GPR89B: variants seen among roughly 807,000 people sequenced by gnomAD.
The protein encoded by GPR89B is golgi pH regulator B, also known as G protein-coupled receptor 89B.
Under a neutral mutation model 52.4 loss-of-function variants are expected in GPR89B, and 25 were observed. That is an observed-to-expected ratio of 0.48 (90% CI 0.35 to 0.67). The LOEUF is 0.67. Ranked by LOEUF, GPR89B falls within the 30% of genes least tolerant of loss-of-function variation. GPR89B has a pLI of 0.01. For synonymous variants in GPR89B, 52 were observed against 151.2 expected (o/e 0.34, Z 4.81); for missense variants, 146 against 450.2 (o/e 0.32, Z 6.11).
chr1:147,966,370 G>GC (rs1343287509), intron 7 of GPR89B, among the ~76,000 whole-genome samples, 184 bp from the exon 8 acceptor site: 1 of 147,096 alleles, frequency 6.8e-6, no homozygotes, highest in East Asian at 2.0e-4. Flanking sequence ...CTTCACCCAG[G>GC]CCACATTGCT....
At chr1:147,948,776 TTTAA>T (rs1269666140) in intron 5 of GPR89B, among the ~76,000 whole-genome samples, 1 of 147,886 alleles carries the variant, frequency 6.8e-6, no homozygotes, top group Non-Finnish European at 1.5e-5. Context: ...TTTTTTTTTT[TTTAA>T]TTGATCATTC....
At chr1:147,994,586 A>G (rs1431421259), downstream of GPR89B, among the ~76,000 whole-genome samples, 1 of 152,188 alleles carries the variant, frequency 6.6e-6, no homozygotes, top group Non-Finnish European at 1.5e-5. Flanking sequence ...AGGTATGACT[A>G]GAAGTCAGGT....
At chr1:147,935,534 C>T (rs1443748665) in intron 1 of GPR89B, among the ~76,000 whole-genome samples, 22 of 152,206 alleles carry the variant, frequency 1.4e-4, no homozygotes, top group Admixed American at 2.0e-4. Context: ...CAGTTTGAAA[C>T]AAAACTGACG....
chr1:147,979,741 G>T (rs1341555347), intron 10 of GPR89B, among the ~76,000 whole-genome samples: 1 of 151,808 alleles, frequency 6.6e-6, no homozygotes, highest in African/African-American at 2.4e-5. Flanking sequence ...CTTGGTCATG[G>T]TGAATTATCA....
chr1:147,949,449 TGA>T (rs1655333937), intron 5 of GPR89B, among the ~76,000 whole-genome samples: 1 of 306 alleles, frequency 3.3e-3, no homozygotes, highest in Non-Finnish European at 6.3e-3. Context: ...CTGACCCCCC[TGA>T]CCCCCCACCT....
intron 7 of GPR89B, among the ~76,000 whole-genome samples, chr1:147,963,952 T>C (rs1180032566): frequency 6.6e-6 from 1 of 152,162 alleles, no homozygotes; most frequent in Admixed American, 6.5e-5. Flanking sequence ...CGTATGATTC[T>C]AGTTATATAT....
intron 7 of GPR89B, among the ~76,000 whole-genome samples, chr1:147,959,393 C>T (rs1395572836): frequency 1.3e-5 from 2 of 152,102 alleles, no homozygotes; most frequent in African/African-American, 4.8e-5. Context: ...GCAATTCTTT[C>T]TACAGAAAAT....
At chr1:148,009,114 C>T in the GPR89B span, among the ~76,000 whole-genome samples, 1 of 152,104 alleles carries the variant, frequency 6.6e-6, no homozygotes, top group Non-Finnish European at 1.5e-5. Context: ...GTACCCAGTG[C>T]CCCCCACCCC....
intron 1 of GPR89B, among the ~76,000 whole-genome samples, chr1:147,929,270 G>GT (rs1266013526): frequency 6.6e-6 from 1 of 150,610 alleles, no homozygotes; most frequent in Non-Finnish European, 1.5e-5. Context: ...GTAAAAACAT[G>GT]TAAGACACTG....
At chr1:148,021,570 G>A in the GPR89B span, among the ~76,000 whole-genome samples, 9 of 151,648 alleles carry the variant, frequency 5.9e-5, no homozygotes, top group Non-Finnish European at 1.0e-4. Flanking sequence ...GAAAGGGGAG[G>A]CATGTGAGGA....
chr1:147,932,670 G>A (rs1234951379), intron 1 of GPR89B, among the ~76,000 whole-genome samples: 1 of 152,094 alleles, frequency 6.6e-6, no homozygotes, highest in Non-Finnish European at 1.5e-5. Context: ...AATACTTTCT[G>A]CATTTTAATC....
intron 7 of GPR89B, among the ~76,000 whole-genome samples, chr1:147,961,285 T>C (rs1656536357): frequency 6.6e-6 from 1 of 151,916 alleles, no homozygotes; most frequent in East Asian, 1.9e-4. Context: ...ATTCTTGTGA[T>C]TGGAGTTCTA....
chr1:147,930,847 C>G (rs4272677), intron 1 of GPR89B, among the ~76,000 whole-genome samples: 1 of 152,100 alleles, frequency 6.6e-6, no homozygotes, highest in Non-Finnish European at 1.5e-5. Flanking sequence ...CTAACCTGGC[C>G]ATGCTATGGT....
chr1:147,957,023 G>A (rs1477936375), intron 7 of GPR89B, among the ~76,000 whole-genome samples: 1 of 151,878 alleles, frequency 6.6e-6, no homozygotes, highest in Non-Finnish European at 1.5e-5. Flanking sequence ...ACAGGCGTGA[G>A]CCACCATGCC....
At chr1:147,962,361 T>A (rs1656644216) in intron 7 of GPR89B, among the ~76,000 whole-genome samples, 1 of 150,594 alleles carries the variant, frequency 6.6e-6, no homozygotes, top group Non-Finnish European at 1.5e-5. Flanking sequence ...GAGGCAGAGG[T>A]TGCAGTGAGC....
chr1:147,967,973 A>G, intron 8 of GPR89B: 1 of 312,166 alleles, frequency 3.2e-6, no homozygotes, highest in Non-Finnish European at 6.3e-6. Flanking sequence ...AAGGAACTGA[A>G]GGGCACTTAC....
At chr1:147,939,971 T>C (rs1654412184) in intron 3 of GPR89B, among the ~76,000 whole-genome samples, 1 of 151,456 alleles carries the variant, frequency 6.6e-6, no homozygotes, top group Non-Finnish European at 1.5e-5. Flanking sequence ...GACAAGACAA[T>C]GAGACCCCAT....
intron 5 of GPR89B, among the ~76,000 whole-genome samples, chr1:147,949,123 A>C (rs187475289): frequency 1.0e-3 from 154 of 152,282 alleles, no homozygotes; most frequent in African/African-American, 3.5e-3. Context: ...AATTTTTCTT[A>C]GTACAGAACA....
chr1:147,967,744 A>G (rs1400093878), intron 8 of GPR89B: 1 of 152,198 alleles, frequency 6.6e-6, no homozygotes, highest in Non-Finnish European at 1.5e-5. Context: ...ATGATTGTGG[A>G]AGAGAAAGAA....
Sources: gnomAD v4.1 joint callset for allele counts (sites outside exome capture counted in the v4.1 genomes callset) on GRCh38, gnomAD v4.1.1 for gene constraint, MANE v1.5 for transcripts, NCBI Gene and HGNC (gene_info 2026-07-23, HGNC 2026-07-21) for gene names.